Variants in SEC24A observed in about 807,000 individuals in gnomAD.
SEC24A encodes the protein protein transport protein Sec24A.
SEC24A carries 93 observed loss-of-function variants against 129.4 expected under a neutral mutation model. That is an observed-to-expected ratio of 0.72 (90% CI 0.61 to 0.85). The LOEUF is 0.85. Among genes scored for constraint, SEC24A ranks in the 40% least tolerant of loss-of-function variants. SEC24A has a pLI of 0.00. For missense variants in SEC24A, 1,264 were observed against 1,307.4 expected, an observed-to-expected ratio of 0.97 and a Z score of 0.51; for synonymous variants, 460 against 467.3, an observed-to-expected ratio of 0.98 and a Z score of 0.20.
chr5:134,675,345 A>G, intron 6 of SEC24A, 128 bp downstream of exon 6: 1 of 681,930 alleles, frequency 1.5e-6, no homozygotes. Flanking sequence ...CAGATGATAG[A>G]ACTCTTTTAC....
intron 11 of SEC24A, among the ~76,000 whole-genome samples, chr5:134,691,878 T>C (rs1751667799): frequency 6.6e-6 from 1 of 151,460 alleles, no homozygotes; most frequent in Admixed American, 6.6e-5. Flanking sequence ...TTGTGTGTCA[T>C]GTTAGTCAAA....
intron 7 of SEC24A, 56 bp from the exon 8 acceptor site, chr5:134,679,546 T>C: frequency 1.5e-6 from 2 of 1,324,176 alleles, no homozygotes; most frequent in South Asian, 1.4e-5. Flanking sequence ...CATGCTTATG[T>C]TTTCAACATG....
At chr5:134,724,762 G>T (rs1457746796) in intron 22 of SEC24A, among the ~76,000 whole-genome samples, 1 of 152,114 alleles carries the variant, frequency 6.6e-6, no homozygotes, top group Non-Finnish European at 1.5e-5. Flanking sequence ...ATTCAGAAAT[G>T]GAATTTCTGG....
intron 2 of SEC24A, among the ~76,000 whole-genome samples, chr5:134,662,159 T>C (rs917426645): frequency 2.6e-5 from 4 of 151,600 alleles, no homozygotes; most frequent in African/African-American, 9.7e-5. Context: ...TATTTATTAT[T>C]TATTTATTTT....
chr5:134,655,022 T>C (rs1478991027), intron 1 of SEC24A, among the ~76,000 whole-genome samples: 1 of 152,060 alleles, frequency 6.6e-6, no homozygotes, highest in Non-Finnish European at 1.5e-5. Context: ...GCCCAGGCTT[T>C]CCTAAAGAAA....
At chr5:134,678,473 T>A (rs1751144238) in intron 7 of SEC24A, among the ~76,000 whole-genome samples, 1 of 151,864 alleles carries the variant, frequency 6.6e-6, no homozygotes, top group African/African-American at 2.4e-5. Context: ...CTCTTTTTTT[T>A]TGGTAGAGAT....
chr5:134,648,759 G>A (rs1749941125), upstream of SEC24A: 7 of 207,048 alleles, frequency 3.4e-5, no homozygotes, highest in South Asian at 7.4e-4. Context: ...TCCTGATTGC[G>A]GCTGCGCGGC....
In SEC24A at chr5:134,675,031, T is replaced by C; in HGVS notation, c.979-14T>C. On this transcript the variant is annotated splice_polypyrimidine_tract_variant and intron_variant, in intron 5 of 22. Coordinates refer to ENST00000398844, the MANE Select transcript of SEC24A (RefSeq NM_021982.3). ...TTAATAAAAGTTACTTACTTTAAAATTATGTATCTGTAGACTCCCTTAGGT... is the reference window on the plus strand; with the variant it reads ...TTAATAAAAGTTACTTACTTTAAAACTATGTATCTGTAGACTCCCTTAGGT... 1 of 1,551,268 alleles carries C rather than the reference T, an allele frequency of 6.4e-7. No homozygotes were observed. The highest frequency in any genetic ancestry group is 8.7e-7 in the Non-Finnish European group (1 of 1,145,612).
At chr5:134,690,088 G>A (rs972125146) in intron 11 of SEC24A, among the ~76,000 whole-genome samples, 2 of 152,082 alleles carry the variant, frequency 1.3e-5, no homozygotes, top group Admixed American at 6.6e-5. Flanking sequence ...GCGCCATCTC[G>A]GCTCGCTGCA....
At chr5:134,675,899 C>T (rs1241077458) in intron 6 of SEC24A, 124 bp from the exon 7 acceptor site, 2 of 607,440 alleles carry the variant, frequency 3.3e-6, no homozygotes, top group East Asian at 6.2e-5. Context: ...TTTTGAGACT[C>T]TATTGAAATA....
Position 134,723,921 on chromosome 5 carries a change from C to T in SEC24A, c.3167+251C>T, listed in dbSNP as rs77014318. Among the ~76,000 whole-genome samples the T allele has an allele frequency of 3.5e-3, 537 of 152,222 alleles. 3 individuals are homozygous for T. The highest frequency in any genetic ancestry group is 0.012 in the African/African-American group (496 of 41,542). ...GTATACATTGTGGAATGATCAAATTCGGCTAATTAACATATTCATCTTCTC... is the reference window on the plus strand; with the variant it reads ...GTATACATTGTGGAATGATCAAATTTGGCTAATTAACATATTCATCTTCTC... On this transcript the variant is annotated intron_variant, in intron 22 of 22. Transcript: ENST00000398844.
chr5:134,673,919 A>T (rs1165034991), intron 4 of SEC24A, among the ~76,000 whole-genome samples: 1 of 152,116 alleles, frequency 6.6e-6, no homozygotes, highest in Non-Finnish European at 1.5e-5. Flanking sequence ...AGATCACCTG[A>T]GGTCAGGAGT....
rs1033419866 is a variant in SEC24A, at chr5:134,674,993, C to T, written c.979-52C>T. 47 of 1,415,170 alleles carry T rather than the reference C, an allele frequency of 3.3e-5. No individual in the cohort carries two copies. The Admixed American group carries it at 1.0e-3, about 31-fold the overall frequency. The allele number at this position is 1,415,170 out of a possible 1,614,324, so 87.7% of individuals were successfully genotyped here. The stretch of plus-strand genomic sequence containing the variant: ...TTGTTATTTACAGAGAAATTAACCA[C>T]TTCCCTACACACTTAATAAAAGTTA... On this transcript the variant is annotated intron_variant, in intron 5 of 22. Coordinates refer to ENST00000398844, the MANE Select transcript of SEC24A (RefSeq NM_021982.3).
intron 9 of SEC24A, among the ~76,000 whole-genome samples, chr5:134,686,564 C>T (rs1178713049): frequency 3.3e-5 from 5 of 152,172 alleles, no homozygotes; most frequent in Admixed American, 1.3e-4. Context: ...CATCTCTTCC[C>T]CTTCCTGTTC....
intron 18 of SEC24A, among the ~76,000 whole-genome samples, chr5:134,709,875 C>T (rs1752269456): frequency 6.6e-6 from 1 of 151,946 alleles, no homozygotes; most frequent in Non-Finnish European, 1.5e-5. Context: ...TCTTTCCTGT[C>T]CCTACAGAAT....
In SEC24A at chr5:134,649,117, C is replaced by G. The variant is rs753424062; in HGVS notation, c.41C>G (p.Ala14Gly). 1.6e-5 allele frequency: 26 copies of G among 1,610,048 alleles called. No individual in the cohort carries two copies. Among genetic ancestry groups the G allele is most frequent in the Non-Finnish European group, 1.9e-5 (22 of 1,178,270 alleles). Residue 14 changes from alanine (A) to glycine (G), a missense_variant, in exon 1 of 23, where the codon GCC becomes GGC. Physicochemically the swap from Ala to Gly is moderately conservative, Grantham distance 60 (BLOSUM62 0). Coordinates refer to ENST00000398844, the MANE Select transcript of SEC24A (RefSeq NM_021982.3). ...PGIPASGGAP[A>G]SLQAQNGAAL... ...ATACCGGCCTCCGGCGGCGCCCCAG[C>G]CAGCCTCCAGGCCCAGAACGGAGCC...
intron 4 of SEC24A, among the ~76,000 whole-genome samples, chr5:134,672,473 C>T (rs948188142): frequency 3.3e-5 from 5 of 151,824 alleles, no homozygotes; most frequent in African/African-American, 1.2e-4. Flanking sequence ...TAGGCATGAG[C>T]CACCATGCCC....
intron 1 of SEC24A, among the ~76,000 whole-genome samples, chr5:134,655,663 A>G (rs998561651): frequency 1.3e-5 from 2 of 152,020 alleles, no homozygotes; most frequent in African/African-American, 4.8e-5. Flanking sequence ...GCAAGAATTC[A>G]TCTCAAAATA....
At chr5:134,701,730 C>T (rs755771316) in intron 15 of SEC24A, among the ~76,000 whole-genome samples, 16 of 151,934 alleles carry the variant, frequency 1.1e-4, no homozygotes, top group Non-Finnish European at 2.1e-4. Context: ...AGGCTGGTCT[C>T]GAACTCCTGA....
Sources: allele counts gnomAD v4.1 joint callset (sites outside exome capture counted in the v4.1 genomes callset), GRCh38; gene constraint gnomAD v4.1.1; transcripts MANE v1.5; gene names NCBI Gene and HGNC (gene_info 2026-07-23, HGNC 2026-07-21).